Variants in MAPRE2 observed in about 807,000 individuals in gnomAD.
The protein encoded by MAPRE2 is microtubule associated protein RP/EB family member 2, also known as microtubule-associated protein RP/EB family member 2.
A neutral mutation model predicts 43.2 loss-of-function variants in MAPRE2; 13 were observed. The observed-to-expected ratio is 0.30, with a 90% CI of 0.20 to 0.48. MAPRE2 has a LOEUF of 0.48. MAPRE2 is among the 20% of genes least tolerant of loss of function. MAPRE2 has a pLI of 0.99. For synonymous variants in MAPRE2, 135 were observed against 148.8 expected (o/e 0.91, Z 0.68); for missense variants, 161 against 400.2 (o/e 0.40, Z 5.10).
intron 2 of MAPRE2, among the ~76,000 whole-genome samples, chr18:35,028,249 G>A (rs1346403756): frequency 6.6e-6 from 1 of 152,172 alleles, no homozygotes; most frequent in Non-Finnish European, 1.5e-5. Context: ...GGCAAGGCAG[G>A]AACCTAGGTT....
At chr18:35,049,320 C>T (rs918771239) in intron 1 of MAPRE2, among the ~76,000 whole-genome samples, 2 of 152,196 alleles carry the variant, frequency 1.3e-5, no homozygotes, top group African/African-American at 2.4e-5. Flanking sequence ...CCCCCACTCC[C>T]TCACGCCATC....
At chr18:35,049,312 C>T (rs1423579185) in intron 1 of MAPRE2, among the ~76,000 whole-genome samples, 1 of 152,124 alleles carries the variant, frequency 6.6e-6, no homozygotes, top group Non-Finnish European at 1.5e-5. Flanking sequence ...AGCTCCTTCC[C>T]CCACTCCCTC....
At chr18:35,053,413 TA>T (rs988626883) in intron 1 of MAPRE2, among the ~76,000 whole-genome samples, 9 of 149,112 alleles carry the variant, frequency 6.0e-5, no homozygotes, top group Admixed American at 4.0e-4. Context: ...AAAATAAAAA[TA>T]AAAAAACAGT....
chr18:35,136,053 C>A (rs1209580512), intron 6 of MAPRE2, among the ~76,000 whole-genome samples: 1 of 152,166 alleles, frequency 6.6e-6, no homozygotes, highest in African/African-American at 2.4e-5. Context: ...TATATTTAAG[C>A]CATCCCAGAA....
At chr18:35,042,375 G>C (rs1905412965) in intron 1 of MAPRE2, among the ~76,000 whole-genome samples, 1 of 152,192 alleles carries the variant, frequency 6.6e-6, no homozygotes, top group East Asian at 1.9e-4. Context: ...GTAGGAAGGT[G>C]ATTCCTGGTC....
chr18:34,981,945 C>G (rs573310967), intron 1 of MAPRE2, among the ~76,000 whole-genome samples: 1 of 145,578 alleles, frequency 6.9e-6, no homozygotes, highest in Non-Finnish European at 1.5e-5. Context: ...AGTGCAGTGG[C>G]GCCATCTCGG....
upstream of MAPRE2, among the ~76,000 whole-genome samples, chr18:35,039,030 C>T (rs1276250819): frequency 1.3e-5 from 2 of 152,222 alleles, no homozygotes; most frequent in Non-Finnish European, 2.9e-5. Context: ...GTTCTCTCCA[C>T]AAAATTAGTT....
intron 1 of MAPRE2, among the ~76,000 whole-genome samples, chr18:35,044,626 A>C (rs968566837): frequency 1.3e-5 from 2 of 152,202 alleles, no homozygotes; most frequent in African/African-American, 4.8e-5. Context: ...ATTTAAACCA[A>C]GTAATTTCCT....
chr18:34,995,015 A>G (rs1017088093), intron 1 of MAPRE2, among the ~76,000 whole-genome samples: 1 of 143,840 alleles, frequency 7.0e-6, no homozygotes, highest in African/African-American at 2.4e-5. Context: ...TAACCAACTC[A>G]TATTTCCATA....
chr18:35,016,718 G>C (rs531107112), intron 2 of MAPRE2, among the ~76,000 whole-genome samples: 5 of 152,164 alleles, frequency 3.3e-5, no homozygotes, highest in African/African-American at 1.2e-4. Flanking sequence ...TTTGTTGGAT[G>C]CATAGTTTGT....
chr18:34,984,097 C>A (rs2097017783), intron 1 of MAPRE2, among the ~76,000 whole-genome samples: 1 of 152,110 alleles, frequency 6.6e-6, no homozygotes, highest in South Asian at 2.1e-4. Context: ...CAAAAGTAGA[C>A]CAGATTATAA....
intron 2 of MAPRE2, among the ~76,000 whole-genome samples, chr18:35,018,930 T>C (rs548621721): frequency 6.6e-6 from 1 of 152,144 alleles, no homozygotes; most frequent in East Asian, 1.9e-4. Flanking sequence ...TAATGTAAGG[T>C]CCTTCTTTTT....
rs991719939 is a variant in MAPRE2 at position 35,097,657 on chromosome 18, A to G, written c.396+66A>G. ...TAAAATTGTTTTTGTGCATAAATGC[A>G]AAAGTCCAGGAGCATACCAATGGGA... On this transcript the variant is annotated intron_variant, in intron 3 of 6. Coordinates refer to ENST00000300249, the MANE Select transcript of MAPRE2 (RefSeq NM_014268.4). The G allele has an allele frequency of 1.5e-5, 22 of 1,456,890 alleles. No individual in the cohort carries two copies. In the African/African-American group the frequency reaches 1.7e-4, roughly 11 times the overall value. 90.2% of individuals were successfully genotyped at this position (1,456,890 alleles called of 1,614,324 possible).
intron 4 of MAPRE2, among the ~76,000 whole-genome samples, chr18:35,120,565 A>G (rs956294366): frequency 3.3e-5 from 5 of 152,206 alleles, no homozygotes; most frequent in Admixed American, 6.5e-5. Flanking sequence ...GACTAGGTCA[A>G]TATAACTTGA....
At chr18:35,065,661 C>T (rs1175243876) in intron 1 of MAPRE2, among the ~76,000 whole-genome samples, 1 of 152,104 alleles carries the variant, frequency 6.6e-6, no homozygotes, top group African/African-American at 2.4e-5. Context: ...TCAAGCGATT[C>T]TCCTGCCTCA....
At chr18:34,992,360 T>C (rs1157140889) in intron 1 of MAPRE2, among the ~76,000 whole-genome samples, 1 of 152,224 alleles carries the variant, frequency 6.6e-6, no homozygotes, top group African/African-American at 2.4e-5. Flanking sequence ...CTTTTGCAAG[T>C]TGAGCACATC....
chr18:35,029,506 C>G (rs945020476), intron 2 of MAPRE2, among the ~76,000 whole-genome samples: 5 of 152,286 alleles, frequency 3.3e-5, no homozygotes, highest in East Asian at 3.9e-4. Context: ...GACCATTGCC[C>G]CACTTTCTCC....
chr18:35,041,839 C>T, intron 1 of MAPRE2, 178 bp downstream of exon 1: 1 of 1,418,624 alleles, frequency 7.0e-7, no homozygotes, highest in South Asian at 1.4e-5. Flanking sequence ...TGCATTGAGG[C>T]TCCGCGACTG....
intron 1 of MAPRE2, among the ~76,000 whole-genome samples, chr18:35,046,384 G>A (rs1454705201): frequency 6.6e-6 from 1 of 152,064 alleles, no homozygotes. Context: ...CCCAAAGGGG[G>A]AAAAAAAGTT....
Sources: gnomAD v4.1 joint callset for allele counts (sites outside exome capture counted in the v4.1 genomes callset) on GRCh38, gnomAD v4.1.1 for gene constraint, MANE v1.5 for transcripts, NCBI Gene and HGNC (gene_info 2026-07-23, HGNC 2026-07-21) for gene names.